The following IL20RB variants were observed in gnomAD, a reference collection of about 807,000 sequenced individuals.
IL20RB encodes interleukin 20 receptor subunit beta.
In IL20RB, 21 loss-of-function variants were observed where a neutral mutation model predicts 33.3. The observed-to-expected ratio is 0.63, with a 90% CI of 0.45 to 0.91. IL20RB has a LOEUF of 0.91. Among genes scored for constraint, IL20RB ranks in the 40% least tolerant of loss-of-function variants. IL20RB has a pLI of 0.00. For synonymous variants in IL20RB, 147 were observed against 146.8 expected, an observed-to-expected ratio of 1.00 and a Z score of -0.01; for missense variants, 345 against 384.8, an observed-to-expected ratio of 0.90 and a Z score of 0.86.
intron 3 of IL20RB, among the ~76,000 whole-genome samples, chr3:136,984,249 G>A (rs1318399200): frequency 2.0e-5 from 3 of 152,184 alleles, no homozygotes; most frequent in African/African-American, 7.2e-5. Context: ...TTAAAATGTG[G>A]ATGGAGGGAA....
At chr3:136,997,292 C>T (rs1364713096) in intron 6 of IL20RB, among the ~76,000 whole-genome samples, 1 of 152,132 alleles carries the variant, frequency 6.6e-6, no homozygotes, top group Non-Finnish European at 1.5e-5. Context: ...AGGAGTTTCA[C>T]CATGTTGGCC....
intron 3 of IL20RB, among the ~76,000 whole-genome samples, chr3:136,988,531 G>C (rs1007509188): frequency 6.6e-6 from 1 of 152,148 alleles, no homozygotes; most frequent in African/African-American, 2.4e-5. Flanking sequence ...CTTGAGTCTA[G>C]GAATTAGAGA....
At chr3:137,002,791 A>G (rs1942273260) in intron 6 of IL20RB, among the ~76,000 whole-genome samples, 1 of 152,000 alleles carries the variant, frequency 6.6e-6, no homozygotes, top group Non-Finnish European at 1.5e-5. Context: ...CCATTTGTCT[A>G]TTTTGGCTTT....
chr3:137,009,801 A>G (rs548748556), intron 6 of IL20RB, among the ~76,000 whole-genome samples: 1 of 152,164 alleles, frequency 6.6e-6, no homozygotes, highest in African/African-American at 2.4e-5. Flanking sequence ...CTCCCAAGGC[A>G]GGTGTGAGCC....
chr3:136,993,849 C>T (rs1942077740), intron 5 of IL20RB, among the ~76,000 whole-genome samples: 1 of 151,652 alleles, frequency 6.6e-6, no homozygotes, highest in African/African-American at 2.4e-5. Flanking sequence ...CCTGTCTCTA[C>T]TAAAAATACA....
intron 1 of IL20RB, among the ~76,000 whole-genome samples, chr3:136,972,300 G>GGGGA (rs1193213051): frequency 6.6e-6 from 1 of 152,154 alleles, no homozygotes; most frequent in Non-Finnish European, 1.5e-5. Context: ...TCAGCTGATT[G>GGGGA]TTTCCTTTGC....
rs1306143489 is a variant in IL20RB, at chr3:136,982,491, G to A, written c.406+141G>A. 7 of 552,594 alleles carry A rather than the reference G, an allele frequency of 1.3e-5. No individual in the cohort carries two copies. In the Admixed American group the frequency reaches 1.5e-4, roughly 12 times the overall value. The allele number at this position is 552,594 out of a possible 1,614,324, so 34.2% of individuals were successfully genotyped here. On this transcript the variant is annotated intron_variant, in intron 3 of 6. Transcript: ENST00000329582. ...ATTGTGAACACAAACAACCCTTACT[G>A]GTATATTTGAAAAATTGCCAACTGC...
At chr3:136,986,199 C>T (rs1028248457) in intron 3 of IL20RB, among the ~76,000 whole-genome samples, 9 of 150,242 alleles carry the variant, frequency 6.0e-5, no homozygotes, top group East Asian at 2.0e-4. Context: ...GGCGACAGAG[C>T]GAGACTCCAT....
chr3:137,004,616 C>T (rs1239025844), intron 6 of IL20RB, among the ~76,000 whole-genome samples: 4 of 152,074 alleles, frequency 2.6e-5, no homozygotes, highest in Non-Finnish European at 1.5e-5. Flanking sequence ...GTGATATCCC[C>T]TTTATCATTT....
chr3:136,962,650 G>T (rs2108171564), intron 1 of IL20RB, among the ~76,000 whole-genome samples: 1 of 151,920 alleles, frequency 6.6e-6, no homozygotes, highest in South Asian at 2.1e-4. Flanking sequence ...TACTTGGGAG[G>T]CTGAGGCAGG....
At chr3:136,960,089 T>G (rs1941175270) in intron 1 of IL20RB, among the ~76,000 whole-genome samples, 1 of 144,912 alleles carries the variant, frequency 6.9e-6, no homozygotes, top group Non-Finnish European at 1.5e-5. Context: ...AAATTCTAAA[T>G]GAACTTCTAT....
chr3:137,001,051 C>CCT (rs1031607208), intron 6 of IL20RB, among the ~76,000 whole-genome samples: 1 of 152,116 alleles, frequency 6.6e-6, no homozygotes, highest in Non-Finnish European at 1.5e-5. Flanking sequence ...CAAGAAGAGT[C>CCT]CTCAACAGCT....
At chr3:137,009,753 C>T (rs1020980157) in intron 6 of IL20RB, among the ~76,000 whole-genome samples, 1 of 152,098 alleles carries the variant, frequency 6.6e-6, no homozygotes, top group African/African-American at 2.4e-5. Flanking sequence ...CCAGGCTGGT[C>T]TCTAAGTCCT....
chr3:136,987,773 C>A (rs1047116967), intron 3 of IL20RB, among the ~76,000 whole-genome samples: 1 of 152,226 alleles, frequency 6.6e-6, no homozygotes, highest in Non-Finnish European at 1.5e-5. Flanking sequence ...TCTAGCACGG[C>A]GCCGGTGGGC....
chr3:136,998,129 CTTTT>C (rs35491086), intron 6 of IL20RB, among the ~76,000 whole-genome samples: 2 of 119,408 alleles, frequency 1.7e-5, no homozygotes, highest in Non-Finnish European at 1.7e-5. Flanking sequence ...ATTTTCTTTT[CTTTT>C]TTTTTTTTTT....
At chr3:136,980,426 T>C (rs1386351371) in intron 1 of IL20RB, 40 bp from the exon 2 acceptor site, 45 of 1,612,986 alleles carry the variant, frequency 2.8e-5, no homozygotes, top group Non-Finnish European at 3.6e-5. Flanking sequence ...TCCCCCACTA[T>C]GAGCCCACCT....
Position 136,982,190 on chromosome 3 carries a change from C to G in IL20RB, c.246C>G (p.Ile82Met). The stretch of plus-strand genomic sequence containing the variant: ...ACGAGAGCCTGTACACGAGCCACAT[C>G]TGGATCCCCAGCAGCTGGTGCTCAC... Reference protein sequence around the residue: ...GEYESLYTSHIWIPSSWCSLT... With the variant: ...GEYESLYTSHMWIPSSWCSLT... The change falls in exon 3 of 7, where the codon ATC (isoleucine) becomes ATG (methionine). Residue 82 changes from isoleucine (I) to methionine (M), a missense_variant. By Grantham distance (10) the Ile-to-Met change is conservative. Transcript: ENST00000329582. The G allele has an allele frequency of 6.3e-7, 1 of 1,597,770 alleles. No individual in the cohort carries two copies. The highest frequency in any genetic ancestry group is 8.6e-7 in the Non-Finnish European group (1 of 1,167,178).
chr3:136,994,023 A>AT (rs1022829341), intron 5 of IL20RB, among the ~76,000 whole-genome samples: 3 of 151,774 alleles, frequency 2.0e-5, no homozygotes, highest in Admixed American at 2.0e-4. Context: ...AAAAAAAAAA[A>AT]ATCTATATGT....
At chr3:137,006,054 G>A (rs1942344100) in intron 6 of IL20RB, among the ~76,000 whole-genome samples, 1 of 152,154 alleles carries the variant, frequency 6.6e-6, no homozygotes, top group Admixed American at 6.5e-5. Flanking sequence ...GAAATTCTGG[G>A]TTGAAAATTC....
Sources: gnomAD v4.1 joint callset for allele counts (sites outside exome capture counted in the v4.1 genomes callset) on GRCh38, gnomAD v4.1.1 for gene constraint, MANE v1.5 for transcripts, NCBI Gene and HGNC (gene_info 2026-07-23, HGNC 2026-07-21) for gene names.